TMCC1: variants seen among roughly 807,000 people sequenced by gnomAD.
TMCC1 encodes the protein transmembrane and coiled-coil domain family 1, also known as transmembrane and coiled-coil domains protein 1.
A neutral mutation model predicts 52.4 loss-of-function variants in TMCC1; 15 were observed. That is an observed-to-expected ratio of 0.29 (90% CI 0.19 to 0.44). The LOEUF (loss-of-function observed/expected upper bound fraction) is 0.44. Among genes scored for constraint, TMCC1 ranks in the 20% least tolerant of loss-of-function variants. The pLI, the probability that TMCC1 is intolerant of heterozygous loss-of-function variation, is 1.00. For synonymous variants in TMCC1, 279 were observed against 301.9 expected, an observed-to-expected ratio of 0.92 and a Z score of 0.79; for missense variants, 503 against 806.0, an observed-to-expected ratio of 0.62 and a Z score of 4.55.
At chr3:129,701,438 CT>C (rs1203560200) in intron 4 of TMCC1, among the ~76,000 whole-genome samples, 3 of 152,176 alleles carry the variant, frequency 2.0e-5, no homozygotes, top group African/African-American at 7.2e-5. Flanking sequence ...CAGCAGCTCT[CT>C]TTATGTAAAA....
chr3:129,875,885 G>A (rs1042816895), intron 2 of TMCC1, among the ~76,000 whole-genome samples: 10 of 152,168 alleles, frequency 6.6e-5, no homozygotes, highest in African/African-American at 9.7e-5. Context: ...CGTAATCCCA[G>A]CACTTTGGGA....
intron 2 of TMCC1, among the ~76,000 whole-genome samples, chr3:129,861,370 G>A (rs1225457802): frequency 1.3e-5 from 2 of 152,068 alleles, no homozygotes; most frequent in Non-Finnish European, 2.9e-5. Context: ...AACCTAGGAG[G>A]CAGAGGTTTC....
intron 2 of TMCC1, among the ~76,000 whole-genome samples, chr3:129,849,931 T>A (rs1321366274): frequency 6.6e-6 from 1 of 152,092 alleles, no homozygotes; most frequent in Non-Finnish European, 1.5e-5. Context: ...CATAATTTTT[T>A]AAAAACTTTT....
At chr3:129,823,227 G>A (rs2058502773) in intron 4 of TMCC1, among the ~76,000 whole-genome samples, 1 of 152,150 alleles carries the variant, frequency 6.6e-6, no homozygotes, top group African/African-American at 2.4e-5. Context: ...TTGGGAGGCT[G>A]AGGCAGGAGA....
intron 4 of TMCC1, among the ~76,000 whole-genome samples, chr3:129,746,700 T>C (rs74607931): frequency 0.02 from 3,072 of 152,254 alleles, 97 homozygotes; most frequent in African/African-American, 0.069. Context: ...ATAAGGAATA[T>C]CTGAAATAAA....
intron 4 of TMCC1, among the ~76,000 whole-genome samples, chr3:129,681,449 G>GT (rs201262071): frequency 0.013 from 1,968 of 146,312 alleles, 17 homozygotes; most frequent in Non-Finnish European, 0.015. Flanking sequence ...AGTAGTCAAC[G>GT]TTTTTTTTTT....
At chr3:129,799,258 A>G (rs1198745152) in intron 4 of TMCC1, among the ~76,000 whole-genome samples, 2 of 152,096 alleles carry the variant, frequency 1.3e-5, no homozygotes, top group African/African-American at 2.4e-5. Flanking sequence ...TGGGCTCCAC[A>G]TTTCTTTCTC....
At chr3:129,780,903 G>A (rs2055467635) in intron 4 of TMCC1, among the ~76,000 whole-genome samples, 1 of 152,024 alleles carries the variant, frequency 6.6e-6, no homozygotes, top group South Asian at 2.1e-4. Context: ...ACTAACTACA[G>A]GTTGCTAGTT....
chr3:129,887,971 G>A (rs1020146423), intron 1 of TMCC1, among the ~76,000 whole-genome samples: 8 of 152,272 alleles, frequency 5.3e-5, no homozygotes, highest in South Asian at 2.1e-4. Context: ...ACAAATACAC[G>A]AGACGACTTC....
intron 5 of TMCC1, among the ~76,000 whole-genome samples, chr3:129,659,912 G>A (rs1377776559): frequency 6.6e-6 from 1 of 152,296 alleles, no homozygotes; most frequent in East Asian, 1.9e-4. Context: ...CTACTCCAAA[G>A]GGCAATTGCA....
At position 129,808,581 on chromosome 3, in the gene TMCC1, C is replaced by A. The variant is rs949408572; in HGVS notation, c.576+19222G>T. Among the ~76,000 whole-genome samples, 7 of 150,878 alleles carry A rather than the reference C, an allele frequency of 4.6e-5. No individual in the cohort carries two copies. The East Asian group carries it at 1.4e-3, about 29-fold the overall frequency. Reference sequence around the variant, plus strand: ...GAGAGAACCCAATGACAGTTATAAACAACAAAAATTAAAGCAATTAACTCC... The same window carrying A: ...GAGAGAACCCAATGACAGTTATAAAAAACAAAAATTAAAGCAATTAACTCC... On this transcript the variant is annotated intron_variant, in intron 4 of 6. Transcript: ENST00000393238.
chr3:129,746,260 C>T (rs192635568), intron 4 of TMCC1, among the ~76,000 whole-genome samples: 1 of 151,978 alleles, frequency 6.6e-6, no homozygotes, highest in African/African-American at 2.4e-5. Context: ...AACCTCCACC[C>T]CCCAGCTTCA....
chr3:129,797,663 C>T (rs1187413949), intron 4 of TMCC1, among the ~76,000 whole-genome samples: 9 of 150,310 alleles, frequency 6.0e-5, no homozygotes, highest in East Asian at 4.1e-4. Context: ...GAGGATCACT[C>T]GAGTATGGGA....
chr3:129,879,262 G>A (rs918301825), intron 2 of TMCC1, among the ~76,000 whole-genome samples: 10 of 151,928 alleles, frequency 6.6e-5, no homozygotes, highest in Non-Finnish European at 1.5e-4. Context: ...GCAACATAGC[G>A]AGACCCTCAT....
intron 5 of TMCC1, among the ~76,000 whole-genome samples, chr3:129,662,336 A>T (rs1382634717): frequency 1.3e-5 from 2 of 152,176 alleles, no homozygotes. Flanking sequence ...ACAGCCTATG[A>T]TACACTTAGG....
At chr3:129,732,424 C>G (rs2050614841) in intron 4 of TMCC1, among the ~76,000 whole-genome samples, 1 of 152,110 alleles carries the variant, frequency 6.6e-6, no homozygotes, top group Admixed American at 6.5e-5. Context: ...TGGTCTAACC[C>G]CTACTTCATT....
At chr3:129,685,203 G>A (rs1055434541) in intron 4 of TMCC1, among the ~76,000 whole-genome samples, 5 of 152,080 alleles carry the variant, frequency 3.3e-5, no homozygotes, top group African/African-American at 1.2e-4. Context: ...AACACAGAAA[G>A]ACCATGTCTT....
chr3:129,736,118 T>A (rs1436815916), intron 4 of TMCC1, among the ~76,000 whole-genome samples: 1 of 152,232 alleles, frequency 6.6e-6, no homozygotes, highest in Non-Finnish European at 1.5e-5. Flanking sequence ...GTTTTTTTGA[T>A]CTTACAAATG....
chr3:129,731,443 TG>T (rs1312685010), intron 4 of TMCC1, among the ~76,000 whole-genome samples: 1 of 152,184 alleles, frequency 6.6e-6, no homozygotes, highest in East Asian at 1.9e-4. Context: ...CTAGACATCG[TG>T]ATGCATGCCT....
Sources: allele counts gnomAD v4.1 joint callset (sites outside exome capture counted in the v4.1 genomes callset), GRCh38; gene constraint gnomAD v4.1.1; transcripts MANE v1.5; gene names NCBI Gene and HGNC (gene_info 2026-07-23, HGNC 2026-07-21).